Variants in SH3D21 observed in about 807,000 individuals in gnomAD.
The protein encoded by SH3D21 is SH3 domain-containing protein 21.
In SH3D21, 83 loss-of-function variants were observed where a neutral mutation model predicts 82.1. The ratio of observed to expected loss-of-function variants is 1.01; its 90% confidence interval spans 0.85 to 1.21. The LOEUF (loss-of-function observed/expected upper bound fraction) is 1.21, where lower values mean the gene tolerates loss of function less well. Ranked by LOEUF, SH3D21 falls within the 50% of genes most tolerant of loss-of-function variation. The pLI, the probability that SH3D21 is intolerant of heterozygous loss-of-function variation, is 0.00. For synonymous variants in SH3D21, 383 were observed against 387.8 expected (o/e 0.99, Z 0.15); for missense variants, 980 against 962.1 (o/e 1.02, Z -0.25).
rs1261775386 is a variant in SH3D21 at position 36,319,139 on chromosome 1, G to GCCA, written c.843_845dup (p.Thr282dup). 1 of 1,551,562 alleles carries GCCA rather than the reference G, an allele frequency of 6.4e-7. No individual in the cohort carries two copies. Among genetic ancestry groups the GCCA allele is most frequent in the African/African-American group, 1.4e-5 (1 of 72,990 alleles). Reference sequence around the variant, plus strand: ...CCCCACAGTCAAGAAGCTAGCAACAGCCACCACTGGGCCCAGCAAAGCCAA... The same window carrying GCCA: ...CCCCACAGTCAAGAAGCTAGCAACAGCCACCACCACTGGGCCCAGCAAAGCCAA... On this transcript the variant is annotated inframe_insertion, in exon 11 of 16. Transcript: ENST00000453908.
chr1:36,327,516 T>G (rs142962595), downstream of SH3D21, among the ~76,000 whole-genome samples: 264 of 152,362 alleles, frequency 1.7e-3, 2 homozygotes, highest in African/African-American at 6.2e-3. Context: ...TCAAGCTGTT[T>G]CCATGCACCT....
At chr1:36,322,393 C>A, downstream of SH3D21, 1 of 1,598,014 alleles carries the variant, frequency 6.3e-7, no homozygotes, top group Non-Finnish European at 8.5e-7. Context: ...CGCCAGATCT[C>A]CCGCAGGATC....
rs1646457345 is a variant in SH3D21 at position 36,321,240 on chromosome 1, G to C, written c.*113G>C. On this transcript the variant is annotated 3_prime_UTR_variant, in exon 16 of 16. Coordinates refer to ENST00000453908, the MANE Select transcript of SH3D21 (RefSeq NM_001162530.2). The surrounding 1 kb of genome is among the most constrained non-coding windows in gnomAD (Gnocchi z 6.1). ...CTCTGCCTAGCACGGCGCCACGCCG[G>C]TCTGGTCGCTGGGGGCGGGGCCTGC... is the stretch of plus-strand genomic sequence containing the variant. 2.7e-6 allele frequency: 4 copies of C among 1,482,914 alleles called. No homozygotes were observed. The highest frequency in any genetic ancestry group is 3.6e-6 in the Non-Finnish European group (4 of 1,117,412). 91.9% of individuals were successfully genotyped at this position (1,482,914 alleles called of 1,614,324 possible).
At chr1:36,325,486 A>G (rs898458367), downstream of SH3D21, among the ~76,000 whole-genome samples, 1 of 152,138 alleles carries the variant, frequency 6.6e-6, no homozygotes, top group Non-Finnish European at 1.5e-5. Flanking sequence ...TTTGGTGTCT[A>G]TGGGAGGGAG....
At chr1:36,325,888 C>G (rs1432453846), downstream of SH3D21, among the ~76,000 whole-genome samples, 1 of 152,218 alleles carries the variant, frequency 6.6e-6, no homozygotes, top group Non-Finnish European at 1.5e-5. Context: ...ACAGAACAGA[C>G]ACAAATCCTT....
downstream of SH3D21, chr1:36,323,046 G>T (rs896445320): frequency 3.8e-6 from 6 of 1,599,714 alleles, no homozygotes; most frequent in Non-Finnish European, 4.3e-6. Flanking sequence ...ATGCTGCTCT[G>T]GGGGGCAGCT....
downstream of SH3D21, chr1:36,327,792 G>A: frequency 1.6e-6 from 2 of 1,268,646 alleles, no homozygotes; most frequent in Non-Finnish European, 2.0e-6. Context: ...GAGAAGCACT[G>A]CTCCTGGAGG....
Position 36,308,101 on chromosome 1 carries a change from C to T in SH3D21, c.539-8C>T. 1 of 1,546,222 alleles carries T rather than the reference C, an allele frequency of 6.5e-7. No individual in the cohort carries two copies. Among genetic ancestry groups the T allele is most frequent in the Non-Finnish European group, 8.7e-7 (1 of 1,143,756 alleles). Reference sequence around the variant, plus strand: ...GCTTCAGAGGACAGTGGACTGACCTCTTCCCAGTCTCCCACCCTGAGGTCT... The same window carrying T: ...GCTTCAGAGGACAGTGGACTGACCTTTTCCCAGTCTCCCACCCTGAGGTCT... On this transcript the variant is annotated splice_polypyrimidine_tract_variant and splice_region_variant and intron_variant, in intron 7 of 15. Coordinates refer to ENST00000453908, the MANE Select transcript of SH3D21 (RefSeq NM_001162530.2).
At chr1:36,322,496 C>T (rs1304854398), downstream of SH3D21, 3 of 1,603,076 alleles carry the variant, frequency 1.9e-6, no homozygotes, top group African/African-American at 4.0e-5. Flanking sequence ...CTGCGGACAG[C>T]TCGGGGCCCG....
At chr1:36,328,224 A>G (rs1388662244), downstream of SH3D21, 1 of 435,816 alleles carries the variant, frequency 2.3e-6, no homozygotes, top group East Asian at 7.0e-5. Context: ...ATGGGAGGGG[A>G]CTTGTGAGTG....
In SH3D21 at chr1:36,320,281, C is replaced by A. The variant is rs1458263577; in HGVS notation, c.1618C>A (p.Pro540Thr). ...AHTPEAPPPQ[P>T]PSSERCLGEM... ...CACGCCAGAGGCACCCCCACCCCAG[C>A]CTCCTTCCTCAGAGAGGTGCCTGGG... The change falls in exon 14 of 16, where the codon CCT (proline) becomes ACT (threonine). Residue 540 changes from proline to threonine, a missense_variant. Coordinates refer to ENST00000453908, the MANE Select transcript of SH3D21 (RefSeq NM_001162530.2). 1 of 1,612,652 alleles carries A rather than the reference C, an allele frequency of 6.2e-7. No individual in the cohort carries two copies.
Position 36,319,709 on chromosome 1 carries a change from CTG to C in SH3D21, c.1049_1050del (p.Val350GlufsTer31). 1 of 1,595,276 alleles carries C rather than the reference CTG, an allele frequency of 6.3e-7. No individual in the cohort carries two copies. Among genetic ancestry groups the C allele is most frequent in the Non-Finnish European group, 8.5e-7 (1 of 1,172,180 alleles). On this transcript the variant is annotated frameshift_variant, in exon 14 of 16. Coordinates refer to ENST00000453908, the MANE Select transcript of SH3D21 (RefSeq NM_001162530.2). LOFTEE classifies it high-confidence loss of function. ...CACAGCAGCCCGGTAAAGGCCCCCT[CTG>C]TGAAGAGAACCCCCATGCCGGACAA...
chr1:36,310,487 T>C (rs541416244), intron 10 of SH3D21, among the ~76,000 whole-genome samples: 15 of 152,020 alleles, frequency 9.9e-5, no homozygotes, highest in African/African-American at 3.6e-4. Context: ...GTGGTAGGCA[T>C]GCCTGTAATC....
In SH3D21 at chr1:36,307,653, C is replaced by A; in HGVS notation, c.436+46C>A. The stretch of plus-strand genomic sequence containing the variant: ...CCCTGTGACTCGCAATCTCCAATGA[C>A]CCTCCCAGTGGCATGAGCCTGTGAT... On this transcript the variant is annotated intron_variant, in intron 5 of 15. Coordinates refer to ENST00000453908, the MANE Select transcript of SH3D21 (RefSeq NM_001162530.2). This position sits in a 1 kb window ranked among gnomAD's most constrained non-coding sequence, Gnocchi z 5.4. 6.5e-7 allele frequency: 1 copy of A among 1,546,104 alleles called. No homozygotes were observed. Among genetic ancestry groups the A allele is most frequent in the Non-Finnish European group, 8.8e-7 (1 of 1,142,840 alleles).
chr1:36,310,612 CAA>C (rs1297798016), intron 10 of SH3D21, among the ~76,000 whole-genome samples: 14 of 120,510 alleles, frequency 1.2e-4, no homozygotes, highest in Non-Finnish European at 1.1e-4. Flanking sequence ...GACTCTGTCT[CAA>C]AAAAAAAAAA....
chr1:36,314,907 C>A (rs1484774465), intron 10 of SH3D21, among the ~76,000 whole-genome samples: 1 of 152,126 alleles, frequency 6.6e-6, no homozygotes, highest in Non-Finnish European at 1.5e-5. Flanking sequence ...AGCTGCTGAT[C>A]CTCACAGTTT....
At position 36,320,146 on chromosome 1, in the gene SH3D21, G is replaced by A. The variant is rs1423283622; in HGVS notation, c.1483G>A (p.Val495Met). Residue 495 changes from valine to methionine, a missense_variant, in exon 14 of 16, where the codon GTG (valine) becomes ATG (methionine). Val to Met is a conservative substitution (Grantham distance 21). Transcript: ENST00000453908. ...VLTPELSEEE[V>M]STRDDIQFHH... ...GACCCCAGAGCTTTCTGAAGAAGAG[G>A]TGTCCACCAGAGATGACATTCAATT... 1 of 1,613,914 alleles carries A rather than the reference G, an allele frequency of 6.2e-7. No homozygotes were observed.
Position 36,306,773 on chromosome 1 carries a change from G to T in SH3D21, c.162+18G>T. 1 of 1,290,990 alleles carries T rather than the reference G, an allele frequency of 7.7e-7. No individual in the cohort carries two copies. The allele number at this position is 1,290,990 out of a possible 1,614,324, so 80.0% of individuals were successfully genotyped here. ...TGGTGCAGGTGAGGCCGAGCCAGGGGCGGGCTGTGGGGTCTCAGCGCGCGC... is the reference window on the plus strand; with the variant it reads ...TGGTGCAGGTGAGGCCGAGCCAGGGTCGGGCTGTGGGGTCTCAGCGCGCGC... On this transcript the variant is annotated intron_variant, in intron 2 of 15. Transcript: ENST00000453908. This position sits in a 1 kb window ranked among gnomAD's most constrained non-coding sequence, Gnocchi z 4.5.
At chr1:36,322,559 G>A (rs565642335), downstream of SH3D21, 874 of 1,588,850 alleles carry the variant, frequency 5.5e-4, 6 homozygotes, top group South Asian at 7.5e-3. Flanking sequence ...CGTCCTCGTC[G>A]TCGTCCTCGG....
Sources: gnomAD v4.1 joint callset for allele counts (sites outside exome capture counted in the v4.1 genomes callset) on GRCh38, gnomAD v4.1.1 for gene constraint, Gnocchi (gnomAD v3.1) non-coding constraint, MANE v1.5 for transcripts, NCBI Gene and HGNC (gene_info 2026-07-23, HGNC 2026-07-21) for gene names.